Variants in VPS41 observed in about 807,000 individuals in gnomAD.
The protein encoded by VPS41 is vacuolar protein sorting-associated protein 41 homolog.
A neutral mutation model predicts 130.9 loss-of-function variants in VPS41; 85 were observed. The ratio of observed to expected loss-of-function variants is 0.65; its 90% CI spans 0.55 to 0.78. The LOEUF is 0.78. Among genes scored for constraint, VPS41 ranks in the 30% least tolerant of loss-of-function variants. The pLI is 0.00. For missense variants in VPS41, 874 were observed against 1,018.7 expected (o/e 0.86, Z 1.93); for synonymous variants, 335 against 332.9 (o/e 1.01, Z -0.07).
chr7:38,772,458 T>C, intron 13 of VPS41, 64 bp downstream of exon 13: 2 of 1,138,022 alleles, frequency 1.8e-6, no homozygotes, highest in South Asian at 3.1e-5. Flanking sequence ...TACAAAAACA[T>C]TTTATCTTCT....
chr7:38,893,431 C>T (rs1182560041), intron 2 of VPS41, among the ~76,000 whole-genome samples: 5 of 152,240 alleles, frequency 3.3e-5, no homozygotes, highest in Non-Finnish European at 7.3e-5. Flanking sequence ...TTACCATTTA[C>T]ACAAGAGCAA....
At chr7:38,726,475 T>C (rs1795547277) in intron 28 of VPS41, 149 bp from the exon 29 acceptor site, 3 of 650,908 alleles carry the variant, frequency 4.6e-6, no homozygotes, top group East Asian at 5.5e-5. Context: ...CTGGTTAACA[T>C]AGGATTTAGT....
chr7:38,825,475 G>C (rs1365398550), intron 5 of VPS41, among the ~76,000 whole-genome samples: 2 of 151,712 alleles, frequency 1.3e-5, no homozygotes, highest in African/African-American at 4.8e-5. Context: ...TATTTATTTT[G>C]CCATTTTGTC....
rs746134361 is a variant in VPS41 at position 38,855,208 on chromosome 7, CAAAAAAAAAAA to C, written c.246+7326_246+7336del. 1.9e-4 allele frequency among the ~76,000 whole-genome samples: 15 copies of C among 77,256 alleles called. No homozygotes were observed. The East Asian group carries it at 4.4e-3, about 23-fold the overall frequency. 50.7% of individuals were successfully genotyped at this position (77,256 alleles called of 152,430 possible). ...CTGCTGACAGAGTGAGACTCCCTCT[CAAAAAAAAAAA>C]AAAAAAAAAAAGGTGTTTGTGAATA... On this transcript the variant is annotated intron_variant, in intron 4 of 28. Coordinates refer to ENST00000310301, the MANE Select transcript of VPS41 (RefSeq NM_014396.4).
rs1209000776 is a variant in VPS41 at position 38,774,103 on chromosome 7, C to CATAT, written c.1012+8_1012+11dup. ...AAAAAAGCATATCAGCCAGATCTTT[C>CATAT]ATATCTCCTACCTAAATGATAATCT... On this transcript the variant is annotated intron_variant, in intron 12 of 28. Coordinates refer to ENST00000310301, the MANE Select transcript of VPS41 (RefSeq NM_014396.4). 6.3e-7 allele frequency: 1 copy of CATAT among 1,584,934 alleles called. No individual in the cohort carries two copies. The highest frequency in any genetic ancestry group is 8.6e-7 in the Non-Finnish European group (1 of 1,162,716).
intron 2 of VPS41, 71 bp from the exon 3 acceptor site, chr7:38,869,324 C>T (rs1033042112): frequency 2.9e-6 from 3 of 1,023,490 alleles, no homozygotes; most frequent in Non-Finnish European, 2.9e-6. Flanking sequence ...AAACACACTT[C>T]TTACGAGAGA....
intron 22 of VPS41, among the ~76,000 whole-genome samples, chr7:38,748,794 T>C (rs1796037937): frequency 6.6e-6 from 1 of 151,976 alleles, no homozygotes; most frequent in African/African-American, 2.4e-5. Context: ...TTCCCCAACA[T>C]AGTGGAAAAA....
chr7:38,743,451 A>G lies in VPS41; in HGVS notation c.2073T>C (p.Asp691=), dbSNP rs777925433. ...DKAIEFAKEQ[D]DGELWEDLIL... is the part of the protein sequence containing the mutation. ...TCAAATCTTCCCACAGCTCTCCATC[A>G]TCTTGCTCCTTGGCAAATTCGATTG... is the stretch of plus-strand genomic sequence containing the variant. The change falls in exon 24 of 29, where the codon GAT becomes GAC. Residue 691 remains aspartate (D), a synonymous_variant. Transcript: ENST00000310301. 5 of 1,614,042 alleles carry G rather than the reference A, an allele frequency of 3.1e-6. No individual in the cohort carries two copies. Among genetic ancestry groups the G allele is most frequent in the Non-Finnish European group, 3.4e-6 (4 of 1,179,918 alleles).
At chr7:38,884,467 C>T (rs1786677830) in intron 2 of VPS41, among the ~76,000 whole-genome samples, 2 of 152,166 alleles carry the variant, frequency 1.3e-5, no homozygotes, top group Non-Finnish European at 2.9e-5. Context: ...AGGAGGCATG[C>T]TTATTTAATA....
intron 4 of VPS41, among the ~76,000 whole-genome samples, chr7:38,851,600 G>A: frequency 6.6e-6 from 1 of 152,008 alleles, no homozygotes; most frequent in East Asian, 1.9e-4. Flanking sequence ...TTCCAGTTTG[G>A]GACTATTACA....
intron 11 of VPS41, among the ~76,000 whole-genome samples, chr7:38,774,923 T>G (rs962808930): frequency 1.3e-5 from 2 of 152,112 alleles, no homozygotes; most frequent in African/African-American, 4.8e-5. Flanking sequence ...GCAGATGGAA[T>G]AGTACACAAC....
chr7:38,869,363 A>G, intron 2 of VPS41, 110 bp from the exon 3 acceptor site: 1 of 696,886 alleles, frequency 1.4e-6, no homozygotes, highest in Non-Finnish European at 2.4e-6. Context: ...AATGATGTTA[A>G]TAATTCCAAC....
intron 4 of VPS41, among the ~76,000 whole-genome samples, chr7:38,832,724 C>G (rs1584418120): frequency 6.6e-6 from 1 of 152,246 alleles, no homozygotes; most frequent in East Asian, 1.9e-4. Flanking sequence ...CTTACTTCAC[C>G]TAATTGGAGC....
Position 38,765,664 on chromosome 7 carries a change from G to A in VPS41, c.1248-3C>T. Reference sequence around the variant, plus strand: ...TCCCAAGAATTTTCTGGCATTTGCTGGCAGTAAAAACATCCCAGGCAGAAA... The same window carrying A: ...TCCCAAGAATTTTCTGGCATTTGCTAGCAGTAAAAACATCCCAGGCAGAAA... On this transcript the variant is annotated splice_region_variant and splice_polypyrimidine_tract_variant and intron_variant, in intron 15 of 28. Coordinates refer to ENST00000310301, the MANE Select transcript of VPS41 (RefSeq NM_014396.4). The A allele has an allele frequency of 6.3e-7, 1 of 1,588,692 alleles. No homozygotes were observed. Among genetic ancestry groups the A allele is most frequent in the South Asian group, 1.2e-5 (1 of 85,410 alleles).
At chr7:38,838,871 GTTCT>G (rs954453277) in intron 4 of VPS41, among the ~76,000 whole-genome samples, 1 of 152,260 alleles carries the variant, frequency 6.6e-6, no homozygotes, top group Middle Eastern at 3.4e-3. Flanking sequence ...TTTTAATGGT[GTTCT>G]TTGTGGCAAC....
chr7:38,887,388 G>C (rs1359077101), intron 2 of VPS41, among the ~76,000 whole-genome samples: 3 of 152,174 alleles, frequency 2.0e-5, no homozygotes, highest in African/African-American at 7.2e-5. Flanking sequence ...GCATACACAA[G>C]CTTCAATAGC....
chr7:38,853,727 C>T (rs1039020442), intron 4 of VPS41, among the ~76,000 whole-genome samples: 3 of 152,194 alleles, frequency 2.0e-5, no homozygotes, highest in African/African-American at 7.2e-5. Flanking sequence ...AATTCAGAGT[C>T]ATGTTCCACA....
At chr7:38,792,364 T>C (rs929204575) in intron 9 of VPS41, among the ~76,000 whole-genome samples, 10 of 152,326 alleles carry the variant, frequency 6.6e-5, no homozygotes, top group Non-Finnish European at 1.2e-4. Flanking sequence ...ATCTCTCAAG[T>C]AGACACACCT....
chr7:38,862,934 G>A (rs1487227785), intron 3 of VPS41, among the ~76,000 whole-genome samples: 1 of 152,164 alleles, frequency 6.6e-6, no homozygotes, highest in Non-Finnish European at 1.5e-5. Context: ...ATGCAGCGGT[G>A]AAAACACGAC....
Sources: gnomAD v4.1 joint callset for allele counts (sites outside exome capture counted in the v4.1 genomes callset) on GRCh38, gnomAD v4.1.1 for gene constraint, MANE v1.5 for transcripts, NCBI Gene and HGNC (gene_info 2026-07-23, HGNC 2026-07-21) for gene names.